Variants in EGFR observed in about 807,000 individuals in gnomAD.
EGFR encodes the protein epidermal growth factor receptor.
A neutral mutation model predicts 143.0 loss-of-function variants in EGFR; 58 were observed. The observed-to-expected ratio is 0.41, with a 90% confidence interval of 0.33 to 0.50. The LOEUF (loss-of-function observed/expected upper bound fraction) is 0.50, where lower values mean the gene tolerates loss of function less well. Ranked by LOEUF, EGFR falls within the 20% of genes least tolerant of loss-of-function variation. EGFR has a pLI of 0.39. For missense variants in EGFR, 1,307 were observed against 1,579.0 expected, an observed-to-expected ratio of 0.83 and a Z score of 2.92; for synonymous variants, 613 against 594.4, an observed-to-expected ratio of 1.03 and a Z score of -0.45.
chr7:55,200,539 G>A (rs576816192), intron 24 of EGFR, 126 bp downstream of exon 24: 69 of 964,214 alleles, frequency 7.2e-5, no homozygotes, highest in East Asian at 5.7e-4. Context: ...ACCCTCCAGC[G>A]CATTAGAGCA....
Position 55,093,757 on chromosome 7 carries a change from A to T in EGFR, c.89-48529A>T, listed in dbSNP as rs562856429. 2.6e-5 allele frequency among the ~76,000 whole-genome samples: 4 copies of T among 152,272 alleles called. No individual in the cohort carries two copies. The East Asian group carries it at 7.7e-4, about 29-fold the overall frequency. On this transcript the variant is annotated intron_variant, in intron 1 of 27. Transcript: ENST00000275493. ...TTTTGTCTTAGTTTTGCAAGGAGTT[A>T]TCTTAATTTAGGGAGATGAAACTAG...
chr7:55,056,181 G>T (rs1788806367), intron 1 of EGFR, among the ~76,000 whole-genome samples: 1 of 152,104 alleles, frequency 6.6e-6, no homozygotes, highest in African/African-American at 2.4e-5. Context: ...CAATTTTGGT[G>T]GTTTAAGAAC....
At chr7:55,054,110 G>A (rs946876498) in intron 1 of EGFR, among the ~76,000 whole-genome samples, 17 of 151,290 alleles carry the variant, frequency 1.1e-4, no homozygotes, top group Non-Finnish European at 1.8e-4. Context: ...CCTGCCTAAT[G>A]GTCTGCCCGT....
chr7:55,178,056 G>GC (rs764653382), intron 19 of EGFR, among the ~76,000 whole-genome samples: 42 of 152,240 alleles, frequency 2.8e-4, no homozygotes, highest in African/African-American at 6.3e-4. Flanking sequence ...CGACACCCAC[G>GC]CCCCCCGCTC....
intron 1 of EGFR, among the ~76,000 whole-genome samples, chr7:55,072,218 G>A (rs1789873647): frequency 6.6e-6 from 1 of 152,208 alleles, no homozygotes; most frequent in Non-Finnish European, 1.5e-5. Flanking sequence ...AAGCGTTGTA[G>A]CTATTACTAG....
intron 1 of EGFR, among the ~76,000 whole-genome samples, chr7:55,024,775 C>CCCTTACTTAAGGCAATTA (rs1362128135): frequency 6.6e-6 from 1 of 152,056 alleles, no homozygotes; most frequent in African/African-American, 2.4e-5. Flanking sequence ...TTGGTAATTG[C>CCCTTACTTAAGGCAATTA]CCTTAAGTGT....
In EGFR at chr7:55,192,766, G is replaced by GCATTCCAA; in HGVS notation, c.2626_2627insCATTCCAA (p.Val876AlafsTer30). The GCATTCCAA allele has an allele frequency of 6.2e-7, 1 of 1,613,966 alleles. No individual in the cohort carries two copies. The highest frequency in any genetic ancestry group is 8.5e-7 in the Non-Finnish European group (1 of 1,179,886). On this transcript the variant is annotated frameshift_variant and splice_region_variant, in exon 22 of 28. Transcript: ENST00000275493. LOFTEE classifies it high-confidence loss of function. ...CTGCCTCATCTCTCACCATCCCAAG[G>GCATTCCAA]TGCCTATCAAGTGGATGGCATTGGA...
rs76998719 is a variant in EGFR, at chr7:55,092,886, T to C, written c.89-49400T>C. Reference sequence around the variant, plus strand: ...TACTAAAGATCTGTCCCTTTCAAGATTGGATTAGACATTAGGAATTTGGAG... The same window carrying C: ...TACTAAAGATCTGTCCCTTTCAAGACTGGATTAGACATTAGGAATTTGGAG... On this transcript the variant is annotated intron_variant, in intron 1 of 27. Transcript: ENST00000275493. Among the ~76,000 whole-genome samples the C allele has an allele frequency of 6.1e-3, 928 of 152,358 alleles. 9 individuals carry two copies. The highest frequency in any genetic ancestry group is 0.021 in the African/African-American group (864 of 41,586).
At chr7:55,168,423 T>C in intron 15 of EGFR, 3 of 817,628 alleles carry the variant, frequency 3.7e-6, no homozygotes, top group South Asian at 2.8e-5. Flanking sequence ...TTACTTTGTA[T>C]AAGAAATAGT....
At chr7:55,129,986 T>C (rs1259749975) in intron 1 of EGFR, among the ~76,000 whole-genome samples, 1 of 152,228 alleles carries the variant, frequency 6.6e-6, no homozygotes, top group Non-Finnish European at 1.5e-5. Flanking sequence ...CATGACTATA[T>C]GTATTTGCTT....
At chr7:55,171,002 A>G in intron 15 of EGFR, 173 bp from the exon 16 acceptor site, 9 of 1,470,764 alleles carry the variant, frequency 6.1e-6, no homozygotes, top group Non-Finnish European at 8.1e-6. Flanking sequence ...TGAACAAATG[A>G]ATAAATGCAT....
At position 55,181,413 on chromosome 7, in the gene EGFR, G is replaced by A. The variant is rs1351046105; in HGVS notation, c.2404G>A (p.Val802Ile). 6.2e-7 allele frequency: 1 copy of A among 1,614,110 alleles called. No individual in the cohort carries two copies. The highest frequency in any genetic ancestry group is 1.3e-5 in the African/African-American group (1 of 74,932). Residue 802 changes from valine (V) to isoleucine (I), a missense_variant, in exon 20 of 28, where the codon GTC becomes ATC. Physicochemically the swap from Val to Ile is conservative, Grantham distance 29. Transcript: ENST00000275493. ...GCCCTTCGGCTGCCTCCTGGACTATGTCCGGGAACACAAAGACAATATTGG... is the reference window on the plus strand; with the variant it reads ...GCCCTTCGGCTGCCTCCTGGACTATATCCGGGAACACAAAGACAATATTGG... The part of the protein sequence containing the change: ...LMPFGCLLDY[V>I]REHKDNIGSQ...
At chr7:55,045,130 A>G (rs1173924918) in intron 1 of EGFR, among the ~76,000 whole-genome samples, 1 of 152,232 alleles carries the variant, frequency 6.6e-6, no homozygotes, top group East Asian at 1.9e-4. Context: ...ACTCAAGAGA[A>G]TAAGTAAGTT....
chr7:55,191,824 GC>G lies in EGFR; in HGVS notation c.2577del (p.Lys860AsnfsTer43), dbSNP rs1787409872. 2 of 1,614,078 alleles carry G rather than the reference GC, an allele frequency of 1.2e-6. No individual in the cohort carries two copies. Among genetic ancestry groups the G allele is most frequent in the Non-Finnish European group, 1.7e-6 (2 of 1,180,024 alleles). On this transcript the variant is annotated frameshift_variant, in exon 21 of 28. Transcript: ENST00000275493. LOFTEE classifies it high-confidence loss of function. ...QHVKITDFGL[A>X]KLLGAEEKEY... is the part of the protein sequence containing the mutation. The stretch of plus-strand genomic sequence containing the variant: ...TGTCAAGATCACAGATTTTGGGCTG[GC>G]CAAACTGCTGGGTGCGGAAGAGAAA...
At chr7:55,169,940 T>C (rs1267225881) in intron 15 of EGFR, among the ~76,000 whole-genome samples, 5 of 152,262 alleles carry the variant, frequency 3.3e-5, no homozygotes, top group African/African-American at 9.6e-5. Context: ...TCCCATTGTA[T>C]TGCATTCAGC....
At chr7:55,137,319 A>C (rs1794198803) in intron 1 of EGFR, among the ~76,000 whole-genome samples, 1 of 152,208 alleles carries the variant, frequency 6.6e-6, no homozygotes, top group African/African-American at 2.4e-5. Flanking sequence ...AACAAATTAA[A>C]ACAATTATAG....
chr7:55,073,563 A>T (rs909816371), intron 1 of EGFR, among the ~76,000 whole-genome samples: 2 of 152,160 alleles, frequency 1.3e-5, no homozygotes, highest in Non-Finnish European at 2.9e-5. Flanking sequence ...TGAAGTGTGT[A>T]TTTTTTATAA....
At chr7:55,067,242 G>T (rs1163625711) in intron 1 of EGFR, among the ~76,000 whole-genome samples, 3 of 152,100 alleles carry the variant, frequency 2.0e-5, no homozygotes, top group Admixed American at 6.5e-5. Context: ...AGGTGGTTGT[G>T]TCTGCAGGAA....
intron 1 of EGFR, among the ~76,000 whole-genome samples, chr7:55,073,650 G>A (rs1007522864): frequency 7.2e-5 from 11 of 152,150 alleles, no homozygotes; most frequent in South Asian, 6.2e-4. Context: ...TTAATACTTC[G>A]TCCCATGTGT....
Sources: allele counts gnomAD v4.1 joint callset (sites outside exome capture counted in the v4.1 genomes callset), GRCh38; gene constraint gnomAD v4.1.1; transcripts MANE v1.5; gene names NCBI Gene and HGNC (gene_info 2026-07-23, HGNC 2026-07-21).